Variants in XYLT1 observed in about 807,000 individuals in gnomAD.
XYLT1 encodes the protein beta-D-xylosyltransferase 1.
A neutral mutation model predicts 91.3 loss-of-function variants in XYLT1; 36 were observed. The observed-to-expected ratio is 0.39, with a 90% CI of 0.30 to 0.52. The LOEUF is 0.52. Among genes scored for constraint, XYLT1 ranks in the 20% least tolerant of loss-of-function variants. The pLI is 0.68. For synonymous variants in XYLT1, 588 were observed against 532.0 expected (o/e 1.11, Z -1.45); for missense variants, 1,242 against 1,284.5 (o/e 0.97, Z 0.51).
chr16:17,115,628 G>A (rs1966850474), intron 11 of XYLT1, among the ~76,000 whole-genome samples: 1 of 151,216 alleles, frequency 6.6e-6, no homozygotes, highest in South Asian at 2.1e-4. Context: ...ATAGACGCCG[G>A]CCACCACACT....
At chr16:17,207,662 T>G (rs554663798) in intron 3 of XYLT1, among the ~76,000 whole-genome samples, 23 of 152,242 alleles carry the variant, frequency 1.5e-4, no homozygotes, top group African/African-American at 5.5e-4. Flanking sequence ...TTGAGGCTTT[T>G]GGGTGGTCTG....
At chr16:17,414,829 G>A (rs111902054) in intron 1 of XYLT1, among the ~76,000 whole-genome samples, 139 of 152,208 alleles carry the variant, frequency 9.1e-4, no homozygotes, top group African/African-American at 3.2e-3. Flanking sequence ...TTATGGAACG[G>A]GGACCAGGAC....
At chr16:17,136,852 C>T (rs920043378) in intron 8 of XYLT1, among the ~76,000 whole-genome samples, 8 of 152,030 alleles carry the variant, frequency 5.3e-5, no homozygotes, top group African/African-American at 1.7e-4. Context: ...CCCAGGATGC[C>T]GGGCTAGGAT....
intron 1 of XYLT1, among the ~76,000 whole-genome samples, chr16:17,385,521 A>G (rs1336588685): frequency 1.3e-5 from 2 of 151,838 alleles, no homozygotes; most frequent in Admixed American, 1.3e-4. Flanking sequence ...TTGCAAATGC[A>G]TTTTTGACAC....
Position 17,440,723 on chromosome 16 carries a change from T to C in XYLT1, c.363+29711A>G, listed in dbSNP as rs192639323. ...TTAGCATGGTTTATGGTTGCCTAAATAAAATATAAGCTTCCTAGTGTAATA... is the reference window on the plus strand; with the variant it reads ...TTAGCATGGTTTATGGTTGCCTAAACAAAATATAAGCTTCCTAGTGTAATA... On this transcript the variant is annotated intron_variant, in intron 1 of 11. Transcript: ENST00000261381. 3.3e-5 allele frequency among the ~76,000 whole-genome samples: 5 copies of C among 152,332 alleles called. No individual in the cohort carries two copies. The East Asian group carries it at 7.7e-4, about 23-fold the overall frequency.
rs2032676924 is a variant in XYLT1 at position 17,207,601 on chromosome 16, G to C, written c.914-6947C>G. Among the ~76,000 whole-genome samples, 4 of 152,174 alleles carry C rather than the reference G, an allele frequency of 2.6e-5. No individual in the cohort carries two copies. The South Asian group carries it at 8.3e-4, about 31-fold the overall frequency. ...CAGGCCTGAGAGGTTGCCCATGGCTGTCTCCTCTCATCCAGCAAACTGGAT... is the reference window on the plus strand; with the variant it reads ...CAGGCCTGAGAGGTTGCCCATGGCTCTCTCCTCTCATCCAGCAAACTGGAT... On this transcript the variant is annotated intron_variant, in intron 3 of 11. Transcript: ENST00000261381.
Position 17,454,140 on chromosome 16 carries a change from A to T in XYLT1, c.363+16294T>A, listed in dbSNP as rs572377179. Among the ~76,000 whole-genome samples, 11 of 152,336 alleles carry T rather than the reference A, an allele frequency of 7.2e-5. 1 individual carries two copies. Among genetic ancestry groups the T allele is most frequent in the Admixed American group, 2.0e-4 (3 of 15,308 alleles). ...TTGTCAAATCAATTGGTAAAAAAAA[A>T]GTAGTTAAATTAATTCCGCTCCTAG... is the stretch of plus-strand genomic sequence containing the variant. On this transcript the variant is annotated intron_variant, in intron 1 of 11. Coordinates refer to ENST00000261381, the MANE Select transcript of XYLT1 (RefSeq NM_022166.4).
At chr16:17,463,372 G>A (rs965797804) in intron 1 of XYLT1, among the ~76,000 whole-genome samples, 7 of 151,898 alleles carry the variant, frequency 4.6e-5, no homozygotes, top group African/African-American at 1.7e-4. Context: ...CAACTCAACA[G>A]CAAAAAAACA....
chr16:17,147,689 G>A (rs2031171754), intron 6 of XYLT1, among the ~76,000 whole-genome samples: 1 of 152,242 alleles, frequency 6.6e-6, no homozygotes, highest in Non-Finnish European at 1.5e-5. Flanking sequence ...CTTGGACTAG[G>A]AGATGGTGGC....
chr16:17,424,360 C>T (rs935291785), intron 1 of XYLT1, among the ~76,000 whole-genome samples: 3 of 152,314 alleles, frequency 2.0e-5, no homozygotes, highest in Admixed American at 6.5e-5. Context: ...TTATTCCATT[C>T]GGTTCATGAA....
At chr16:17,193,811 A>T (rs1215080335) in intron 5 of XYLT1, 1 of 152,196 alleles carries the variant, frequency 6.6e-6, no homozygotes, top group Non-Finnish European at 1.5e-5. Flanking sequence ...TGCAAAATTC[A>T]TATGTTTTTG....
chr16:17,470,678 G>C lies in XYLT1; in HGVS notation c.119C>G (p.Ser40Cys). 8.6e-7 allele frequency: 1 copy of C among 1,156,168 alleles called. No homozygotes were observed. Among genetic ancestry groups the C allele is most frequent in the Non-Finnish European group, 1.1e-6 (1 of 920,966 alleles). 71.6% of individuals were successfully genotyped at this position (1,156,168 alleles called of 1,614,324 possible). Residue 40 changes from serine to cysteine, a missense_variant, in exon 1 of 12, where the codon TCC becomes TGC. Physicochemically the swap from Ser to Cys is moderately radical, Grantham distance 112 (BLOSUM62 -1). Transcript: ENST00000261381. ...GCCCCCGCGGCGCTCCCCGGCCCCG[G>C]AGTCGAGGCTGCTGAAATTCCACAC... ...LVVWNFSSLDSGAGERRGGAA... is the reference protein window; with the variant it reads ...LVVWNFSSLDCGAGERRGGAA...
chr16:17,411,299 C>G lies in XYLT1; in HGVS notation c.364-53249G>C, dbSNP rs139651032. ...ATAAAAGCTAAAATAACATTATAAC[C>G]CCCTTCATGGTGGTAGTTTCTTCAT... is the stretch of plus-strand genomic sequence containing the variant. On this transcript the variant is annotated intron_variant, in intron 1 of 11. Transcript: ENST00000261381. Among the ~76,000 whole-genome samples, 195 of 152,162 alleles carry G rather than the reference C, an allele frequency of 1.3e-3. 2 individuals carry two copies. In the East Asian group the frequency reaches 0.019, roughly 15 times the overall value.
At chr16:17,442,164 T>C (rs1468186460) in intron 1 of XYLT1, among the ~76,000 whole-genome samples, 1 of 152,208 alleles carries the variant, frequency 6.6e-6, no homozygotes, top group South Asian at 2.1e-4. Flanking sequence ...AACAACACTC[T>C]GGCCCTCCTG....
At chr16:17,146,111 G>A (rs890655557) in intron 6 of XYLT1, among the ~76,000 whole-genome samples, 1 of 151,708 alleles carries the variant, frequency 6.6e-6, no homozygotes, top group African/African-American at 2.4e-5. Flanking sequence ...CCCTCTCACC[G>A]GGCTTCCCAC....
At position 17,134,842 on chromosome 16, in the gene XYLT1, G is replaced by A. The variant is rs545568792; in HGVS notation, c.1765-107C>T. On this transcript the variant is annotated intron_variant, in intron 8 of 11. Coordinates refer to ENST00000261381, the MANE Select transcript of XYLT1 (RefSeq NM_022166.4). ...TTAGAAGCAAAGCTCTGCTGGACCC[G>A]AATTAGCTCCGATACTTTTTGCACC... The A allele has an allele frequency of 9.5e-6, 13 of 1,364,010 alleles. No homozygotes were observed. The East Asian group carries it at 1.6e-4, about 17-fold the overall frequency. 84.5% of individuals were successfully genotyped at this position (1,364,010 alleles called of 1,614,324 possible).
chr16:17,282,747 G>A (rs149949496), intron 2 of XYLT1, among the ~76,000 whole-genome samples: 3 of 152,348 alleles, frequency 2.0e-5, no homozygotes, highest in Non-Finnish European at 2.9e-5. Flanking sequence ...GGGACGAAGT[G>A]TAAAATTGTG....
chr16:17,387,249 A>G (rs2035758669), intron 1 of XYLT1, among the ~76,000 whole-genome samples: 1 of 152,170 alleles, frequency 6.6e-6, no homozygotes, highest in Non-Finnish European at 1.5e-5. Context: ...AGGCCACTCT[A>G]TTCCCGAAAG....
At chr16:17,364,673 G>A (rs1264029939) in intron 1 of XYLT1, among the ~76,000 whole-genome samples, 1 of 152,120 alleles carries the variant, frequency 6.6e-6, no homozygotes, top group African/African-American at 2.4e-5. Context: ...CGAAATTCCT[G>A]CAACGCTGCC....
Sources: allele counts gnomAD v4.1 joint callset (sites outside exome capture counted in the v4.1 genomes callset), GRCh38; gene constraint gnomAD v4.1.1; transcripts MANE v1.5; gene names NCBI Gene and HGNC (gene_info 2026-07-23, HGNC 2026-07-21).